Variants in EFHB observed in about 807,000 individuals in gnomAD.
EFHB encodes the protein EF-hand domain family member B, also known as EF-hand domain-containing family member B.
In EFHB, 91 loss-of-function variants were observed where a neutral mutation model predicts 87.2. That is an observed-to-expected ratio of 1.04 (90% CI 0.88 to 1.24). The LOEUF is 1.24. Among genes scored for constraint, EFHB ranks in the 50% most tolerant of loss-of-function variants. The pLI is 0.00. For missense variants in EFHB, 1,084 were observed against 998.8 expected (o/e 1.09, Z -1.15); for synonymous variants, 325 against 333.6 (o/e 0.97, Z 0.28).
intron 12 of EFHB, among the ~76,000 whole-genome samples, chr3:19,882,048 TAAATAAA>T (rs1559441315): frequency 1.2e-4 from 11 of 94,114 alleles, no homozygotes; most frequent in African/African-American, 4.6e-4. Context: ...AATAAATAAA[TAAATAAA>T]TAAATAATTA....
chr3:19,923,246 A>G (rs1695500300), intron 1 of EFHB, among the ~76,000 whole-genome samples: 1 of 151,976 alleles, frequency 6.6e-6, no homozygotes, highest in Admixed American at 6.6e-5. Flanking sequence ...CAGCCTGGGC[A>G]AAAAGAGTGA....
chr3:19,890,355 A>G (rs1005775241), intron 9 of EFHB, among the ~76,000 whole-genome samples: 13 of 152,148 alleles, frequency 8.5e-5, no homozygotes, highest in African/African-American at 3.1e-4. Context: ...TTCAAGAGGG[A>G]TGCATCTGTT....
At chr3:19,880,229 C>CATTTATTTATTTATTT (rs59492875) in intron 12 of EFHB, among the ~76,000 whole-genome samples, 3,831 of 147,562 alleles carry the variant, frequency 0.026, 122 homozygotes, top group African/African-American at 0.074. Flanking sequence ...ACATTAGTTT[C>CATTTATTTATTTATTT]ATTTATTTAT....
upstream of EFHB, among the ~76,000 whole-genome samples, chr3:19,937,319 T>C (rs1394003041): frequency 6.6e-6 from 1 of 152,236 alleles, no homozygotes; most frequent in Admixed American, 6.5e-5. Flanking sequence ...TAAAGTGCAA[T>C]GTTATTTCCT....
Position 19,941,322 on chromosome 3 carries a change from A to C in EFHB, c.-31-4988T>G, listed in dbSNP as rs184095174. 2.0e-5 allele frequency: 4 copies of C among 201,422 alleles called. No individual in the cohort carries two copies. The Admixed American group carries it at 2.4e-4, about 12-fold the overall frequency. 12.5% of individuals were successfully genotyped at this position (201,422 alleles called of 1,614,324 possible). A position where few individuals can be genotyped will look rare whatever the true frequency, so the allele number is the denominator to read the frequency against. ...AGACATTGATTCATTCATAGAGAAA[A>C]TGGATCTCAATACTAGCCTGGCTGC... On this transcript the variant is annotated intron_variant, in intron 1 of 14. Coordinates refer to the EFHB transcript ENST00000344838.
At chr3:19,941,735 T>C (rs952621791) in intron 1 of EFHB, among the ~76,000 whole-genome samples, 1 of 151,284 alleles carries the variant, frequency 6.6e-6, no homozygotes, top group Non-Finnish European at 1.5e-5. Flanking sequence ...TGCATGCCTG[T>C]AATCCCAGCT....
upstream of EFHB, among the ~76,000 whole-genome samples, chr3:19,934,568 G>A (rs1695965027): frequency 6.6e-6 from 1 of 151,896 alleles, no homozygotes; most frequent in South Asian, 2.1e-4. Context: ...GATTTGGAGG[G>A]CGAGAAAATT....
At chr3:19,887,410 A>T (rs1694143920) in intron 10 of EFHB, among the ~76,000 whole-genome samples, 1 of 151,670 alleles carries the variant, frequency 6.6e-6, no homozygotes, top group Non-Finnish European at 1.5e-5. Flanking sequence ...AAGGAAGAAG[A>T]GAAATGCGAA....
At chr3:19,941,855 CAAA>C (rs74521089) in intron 1 of EFHB, among the ~76,000 whole-genome samples, 9 of 94,906 alleles carry the variant, frequency 9.5e-5, no homozygotes, top group Non-Finnish European at 1.1e-4. Flanking sequence ...GAGACTCCAT[CAAA>C]AAAAAAAAAA....
At chr3:19,941,229 T>C in intron 1 of EFHB, 1 of 327,032 alleles carries the variant, frequency 3.1e-6, no homozygotes, top group Non-Finnish European at 6.0e-6. Flanking sequence ...GGGCTTTCTC[T>C]ATAGGGTCCA....
intron 10 of EFHB, among the ~76,000 whole-genome samples, chr3:19,887,764 A>G (rs1044416311): frequency 2.0e-5 from 3 of 152,268 alleles, no homozygotes; most frequent in Admixed American, 6.5e-5. Context: ...TGATGTAAAC[A>G]TTATAACATT....
At chr3:19,906,698 G>GA (rs35283272) in intron 5 of EFHB, among the ~76,000 whole-genome samples, 39 of 149,372 alleles carry the variant, frequency 2.6e-4, no homozygotes, top group Non-Finnish European at 4.5e-4. Flanking sequence ...CACAGAAATA[G>GA]AAAAAAAAAA....
At chr3:19,920,017 T>A (rs746580581) in intron 2 of EFHB, 41 bp from the exon 3 acceptor site, 1 of 1,606,672 alleles carries the variant, frequency 6.2e-7, no homozygotes, top group Non-Finnish European at 8.5e-7. Flanking sequence ...AAGTACAGTT[T>A]CTAAAAATAT....
At chr3:19,884,352 A>C (rs2071758410) in intron 11 of EFHB, 51 bp downstream of exon 11, 15 of 1,534,048 alleles carry the variant, frequency 9.8e-6, no homozygotes, top group South Asian at 8.3e-5. Context: ...GCAAGGACAG[A>C]CAGAGGACAG....
upstream of EFHB, among the ~76,000 whole-genome samples, chr3:19,937,166 C>CA (rs35661481): frequency 0.21 from 31,931 of 149,594 alleles, 3,750 homozygotes; most frequent in Middle Eastern, 0.27. Flanking sequence ...AAGACTGTCT[C>CA]AAAAAAAAAC....
At chr3:19,939,160 G>A (rs377639648), upstream of EFHB, among the ~76,000 whole-genome samples, 4 of 138,700 alleles carry the variant, frequency 2.9e-5, no homozygotes, top group East Asian at 4.4e-4. Flanking sequence ...ACCTGCCTTG[G>A]CCTCCCAAAG....
At chr3:19,896,661 C>T (rs756615921) in intron 9 of EFHB, 26 bp downstream of exon 9, 1 of 1,613,920 alleles carries the variant, frequency 6.2e-7, no homozygotes, top group South Asian at 1.1e-5. Flanking sequence ...CCATGCATTA[C>T]CAAAAAGCTC....
At chr3:19,921,758 A>C (rs1346137227) in intron 1 of EFHB, among the ~76,000 whole-genome samples, 1 of 152,146 alleles carries the variant, frequency 6.6e-6, no homozygotes, top group African/African-American at 2.4e-5. Flanking sequence ...GAAGATGGAG[A>C]AGAGATATAG....
At chr3:19,926,788 G>A (rs1695646016) in intron 1 of EFHB, among the ~76,000 whole-genome samples, 1 of 152,044 alleles carries the variant, frequency 6.6e-6, no homozygotes, top group Non-Finnish European at 1.5e-5. Context: ...AGCCTCCTGA[G>A]TAGCTGGGAT....
Sources: allele counts gnomAD v4.1 joint callset (sites outside exome capture counted in the v4.1 genomes callset), GRCh38; gene constraint gnomAD v4.1.1; transcripts MANE v1.5; gene names NCBI Gene and HGNC (gene_info 2026-07-23, HGNC 2026-07-21).